TEPSIN: variants seen among roughly 807,000 people sequenced by gnomAD.
TEPSIN encodes TEPSIN adaptor related protein complex 4 accessory protein.
In TEPSIN, 50 loss-of-function variants were observed where a neutral mutation model predicts 48.5. That is an observed-to-expected ratio of 1.03 (90% confidence interval 0.82 to 1.31). TEPSIN has a LOEUF of 1.31. TEPSIN is among the 50% of genes most tolerant of loss of function. The probability of loss-of-function intolerance (pLI) is 0.00; values close to 1 mark genes in which losing one functional copy is unlikely to be tolerated. For missense variants in TEPSIN, 838 were observed against 815.9 expected (o/e 1.03, Z -0.33); for synonymous variants, 392 against 358.8 (o/e 1.09, Z -1.05).
At chr17:81,236,204 G>A (rs962486645) in intron 4 of TEPSIN, among the ~76,000 whole-genome samples, 4 of 152,128 alleles carry the variant, frequency 2.6e-5, no homozygotes, top group Non-Finnish European at 5.9e-5. Flanking sequence ...TGGACAGACC[G>A]ACTGGCCGGG....
Position 81,229,348 on chromosome 17 carries a change from C to T in TEPSIN, c.1362G>A (p.Gly454=). 6.4e-7 allele frequency: 1 copy of T among 1,563,632 alleles called. No individual in the cohort carries two copies. Among genetic ancestry groups the T allele is most frequent in the Non-Finnish European group, 8.7e-7 (1 of 1,154,328 alleles). ...TCAGAGGCTGCAGGAAGACCTGGCT[C>T]CCAGGGAGAGGCACAGCGTCGGTCA... ...DLLTDAVPLP[G]SQVFLQPLSS... is the part of the protein sequence containing the mutation. The change falls in exon 13 of 13, where the codon GGG becomes GGA. Residue 454 remains glycine (G), a synonymous_variant. Coordinates refer to ENST00000637944, the MANE Select transcript of TEPSIN (RefSeq NM_001363764.2).
chr17:81,234,040 C>G lies in TEPSIN; in HGVS notation c.316G>C (p.Gly106Arg). The G allele has an allele frequency of 6.3e-7, 1 of 1,591,704 alleles. No homozygotes were observed. ...AFIQEAAAFA[G>R]PPDPLHGNSL... ...TTCCCGTGCAGAGGATCTGGGGGCC[C>G]TGCAAAAGCTGCAGAACAGAAAAGG... The change falls in exon 5 of 13, where the codon GGG (glycine) becomes CGG (arginine). Residue 106 changes from glycine to arginine, a missense_variant. Physicochemically the swap from Gly to Arg is moderately radical, Grantham distance 125 (BLOSUM62 -2). Transcript: ENST00000637944. The surrounding 1 kb of genome is among the most constrained non-coding windows in gnomAD (Gnocchi z 5.4).
Position 81,231,893 on chromosome 17 carries a change from C to T in TEPSIN, c.859G>A (p.Asp287Asn), listed in dbSNP as rs552888913. The change falls in exon 9 of 13, where the codon GAC becomes AAC. Residue 287 changes from aspartate to asparagine, a missense_variant. By Grantham distance (23) the Asp-to-Asn change is conservative. Transcript: ENST00000637944. ...VSDSGSHSGS[D>N]SHSGASREPG... ...TCCCGGCTGGCCCCTGAATGGCTGT[C>T]GCTGCCGGAATGACTGCCCGAGTCC... The T allele has an allele frequency of 1.8e-5, 29 of 1,613,622 alleles. No homozygotes were observed. The East Asian group carries it at 3.6e-4, about 20-fold the overall frequency.
chr17:81,234,148 C>T lies in TEPSIN; in HGVS notation c.308-100G>A. 2 of 1,097,570 alleles carry T rather than the reference C, an allele frequency of 1.8e-6. No individual in the cohort carries two copies. The highest frequency in any genetic ancestry group is 1.8e-5 in the South Asian group (1 of 56,194). 68.0% of individuals were successfully genotyped at this position (1,097,570 alleles called of 1,614,324 possible). A position where few individuals can be genotyped will look rare whatever the true frequency, so the allele number is the denominator to read the frequency against. On this transcript the variant is annotated intron_variant, in intron 4 of 12. Transcript: ENST00000637944. The surrounding 1 kb of genome is among the most constrained non-coding windows in gnomAD (Gnocchi z 5.4). The stretch of plus-strand genomic sequence containing the variant: ...GGGCCCACTCCAGGGTGGCAAGTTC[C>T]TGCCACCAAGGCCCTTCTGTCACAG...
chr17:81,232,720 G>A, intron 7 of TEPSIN: 1 of 569,668 alleles, frequency 1.8e-6, no homozygotes, highest in Non-Finnish European at 3.1e-6. Context: ...ACTCCCAGTG[G>A]GCCTGGACAC....
chr17:81,231,220 T>C (rs1367614094), intron 11 of TEPSIN, 178 bp downstream of exon 11: 19 of 643,470 alleles, frequency 3.0e-5, no homozygotes, highest in Non-Finnish European at 4.8e-5. Flanking sequence ...CAGGCATACA[T>C]ACACAGGCAT....
At position 81,230,437 on chromosome 17, in the gene TEPSIN, G is replaced by A; in HGVS notation, c.1233+107C>T. 1 of 1,488,904 alleles carries A rather than the reference G, an allele frequency of 6.7e-7. No individual in the cohort carries two copies. Among genetic ancestry groups the A allele is most frequent in the Admixed American group, 1.9e-5 (1 of 53,300 alleles). 92.2% of individuals were successfully genotyped at this position (1,488,904 alleles called of 1,614,324 possible). A position where few individuals can be genotyped will look rare whatever the true frequency, so the allele number is the denominator to read the frequency against. On this transcript the variant is annotated intron_variant, in intron 12 of 12. Transcript: ENST00000637944. The surrounding 1 kb of genome is among the most constrained non-coding windows in gnomAD (Gnocchi z 4.2). ...GACAGGGACTTGAGAGGGGGTCCGGGAAGGGCTGACCAGGCGCCGGGCAGG... is the reference window on the plus strand; with the variant it reads ...GACAGGGACTTGAGAGGGGGTCCGGAAAGGGCTGACCAGGCGCCGGGCAGG...
chr17:81,232,519 C>G lies in TEPSIN; in HGVS notation c.527-1G>C. The G allele has an allele frequency of 6.5e-7, 1 of 1,529,978 alleles. No homozygotes were observed. The allele number at this position is 1,529,978 out of a possible 1,614,324, so 94.8% of individuals were successfully genotyped here. ...GAGAGGAAGGCTTCGCCTGCCGAGC[C>G]TGTACCCGAGGAGAGGGAGATGGGA... On this transcript the variant is annotated splice_acceptor_variant, in intron 7 of 12. Coordinates refer to ENST00000637944, the MANE Select transcript of TEPSIN (RefSeq NM_001363764.2). LOFTEE classifies it high-confidence loss of function.
At position 81,231,254 on chromosome 17, in the gene TEPSIN, G is replaced by T; in HGVS notation, c.1098+144C>A. On this transcript the variant is annotated intron_variant, in intron 11 of 12. Transcript: ENST00000637944. ...ATACACACCCACACGCACACACACAGGCATGTGCGCACGCACAGCCACACA... is the reference window on the plus strand; with the variant it reads ...ATACACACCCACACGCACACACACATGCATGTGCGCACGCACAGCCACACA... 2.5e-6 allele frequency: 2 copies of T among 815,164 alleles called. 1 individual carries two copies. Among genetic ancestry groups the T allele is most frequent in the South Asian group, 3.5e-5 (2 of 56,808 alleles). The allele number at this position is 815,164 out of a possible 1,614,324, so 50.5% of individuals were successfully genotyped here. A position where few individuals can be genotyped will look rare whatever the true frequency, so the allele number is the denominator to read the frequency against.
intron 9 of TEPSIN, 36 bp downstream of exon 9, chr17:81,231,811 G>A (rs371525147): frequency 5.6e-6 from 9 of 1,609,658 alleles, no homozygotes; most frequent in African/African-American, 1.3e-5. Flanking sequence ...TGGTGCCTCC[G>A]AGACCTCTCC....
At position 81,231,310 on chromosome 17, in the gene TEPSIN, G is replaced by C. The variant is rs2062599623; in HGVS notation, c.1098+88C>G. On this transcript the variant is annotated intron_variant, in intron 11 of 12. Coordinates refer to ENST00000637944, the MANE Select transcript of TEPSIN (RefSeq NM_001363764.2). ...ATGTTCACACACAGGTGTGCACACA[G>C]GCACACGTGCACACACACGCACACG... 6.9e-6 allele frequency: 9 copies of C among 1,298,374 alleles called. No individual in the cohort carries two copies. The South Asian group carries it at 8.7e-5, about 13-fold the overall frequency. 80.4% of individuals were successfully genotyped at this position (1,298,374 alleles called of 1,614,324 possible).
chr17:81,230,947 G>A lies in TEPSIN; in HGVS notation c.1099-269C>T. ...CTTACACCCCAGCTCCCGGACACCA[G>A]AGCCATGTCCTCCCCGGCTCCTGGA... On this transcript the variant is annotated intron_variant, in intron 11 of 12. Transcript: ENST00000637944. This position sits in a 1 kb window ranked among gnomAD's most constrained non-coding sequence, Gnocchi z 4.2. 3 of 531,080 alleles carry A rather than the reference G, an allele frequency of 5.6e-6. No individual in the cohort carries two copies. Among genetic ancestry groups the A allele is most frequent in the Non-Finnish European group, 9.9e-6 (3 of 302,642 alleles). 32.9% of individuals were successfully genotyped at this position (531,080 alleles called of 1,614,324 possible).
At position 81,237,442 on chromosome 17, in the gene TEPSIN, C is replaced by G; in HGVS notation, c.66G>C (p.Lys22Asn). The G allele has an allele frequency of 6.2e-7, 1 of 1,610,628 alleles. No homozygotes were observed. The highest frequency in any genetic ancestry group is 1.1e-5 in the South Asian group (1 of 90,440). ...SFLHRLPILL[K>N]GTSDDDVPCP... ...ACGGGACATCATCATCGGACGTCCC[C>G]TTCAGGAGAATCGGGAGCTGAAAGG... Residue 22 changes from lysine (K) to asparagine (N), a missense_variant, in exon 2 of 13, where the codon AAG (lysine) becomes AAC (asparagine). Physicochemically the swap from Lys to Asn is moderately conservative, Grantham distance 94. Coordinates refer to ENST00000637944, the MANE Select transcript of TEPSIN (RefSeq NM_001363764.2).
Position 81,237,450 on chromosome 17 carries a change from G to GA in TEPSIN, c.57dup (p.Leu20SerfsTer8), listed in dbSNP as rs1348415678. On this transcript the variant is annotated frameshift_variant, in exon 2 of 13. Coordinates refer to ENST00000637944, the MANE Select transcript of TEPSIN (RefSeq NM_001363764.2). LOFTEE classifies it high-confidence loss of function. ...TCATCATCGGACGTCCCCTTCAGGA[G>GA]AATCGGGAGCTGAAAGGGAACAAGA... 6.2e-7 allele frequency: 1 copy of GA among 1,609,970 alleles called. No individual in the cohort carries two copies. The highest frequency in any genetic ancestry group is 8.5e-7 in the Non-Finnish European group (1 of 1,178,562).
chr17:81,237,228 A>G (rs1445232626), intron 2 of TEPSIN, 157 bp from the exon 3 acceptor site: 2 of 1,169,776 alleles, frequency 1.7e-6, no homozygotes, highest in Non-Finnish European at 2.5e-6. Flanking sequence ...CCCCTGTGTC[A>G]TCAGTATTGC....
In TEPSIN at chr17:81,229,150, G is replaced by T; in HGVS notation, c.1560C>A (p.Gly520=). Residue 520 remains glycine, a synonymous_variant, in exon 13 of 13, where the codon GGC becomes GGA. Coordinates refer to ENST00000637944, the MANE Select transcript of TEPSIN (RefSeq NM_001363764.2). The part of the protein sequence containing the change: ...RRWRPERIPG[G]TDSPKRGPSS... ...TGGGGCCTCTCTTTGGGCTGTCCGTGCCCCCTGGGATCCGTTCAGGTCTCC... is the reference window on the plus strand; with the variant it reads ...TGGGGCCTCTCTTTGGGCTGTCCGTTCCCCCTGGGATCCGTTCAGGTCTCC... 1.9e-6 allele frequency: 3 copies of T among 1,611,004 alleles called. No individual in the cohort carries two copies. Among genetic ancestry groups the T allele is most frequent in the Non-Finnish European group, 2.5e-6 (3 of 1,179,476 alleles).
In TEPSIN at chr17:81,230,771, C is replaced by T; in HGVS notation, c.1099-93G>A. The T allele has an allele frequency of 1.4e-6, 2 of 1,417,034 alleles. No homozygotes were observed. Among genetic ancestry groups the T allele is most frequent in the South Asian group, 3.0e-5 (2 of 67,216 alleles). The allele number at this position is 1,417,034 out of a possible 1,614,324, so 87.8% of individuals were successfully genotyped here. ...GCCATCTCTCTCCCTCTTCTTCCTC[C>T]TCATCAATGACTGGAGTGCCAGGAG... On this transcript the variant is annotated intron_variant, in intron 11 of 12. Coordinates refer to ENST00000637944, the MANE Select transcript of TEPSIN (RefSeq NM_001363764.2). This position sits in a 1 kb window ranked among gnomAD's most constrained non-coding sequence, Gnocchi z 4.2.
chr17:81,236,597 C>T (rs2062724678), intron 4 of TEPSIN, 111 bp downstream of exon 4: 2 of 1,138,812 alleles, frequency 1.8e-6, no homozygotes, highest in South Asian at 1.4e-5. Context: ...CGGGACCCGG[C>T]CCAGGTGAGG....
Position 81,230,253 on chromosome 17 carries a change from C to T in TEPSIN, c.1233+291G>A. The T allele has an allele frequency of 4.5e-6, 2 of 448,818 alleles. No homozygotes were observed. Among genetic ancestry groups the T allele is most frequent in the Non-Finnish European group, 8.0e-6 (2 of 249,392 alleles). 27.8% of individuals were successfully genotyped at this position (448,818 alleles called of 1,614,324 possible). A position where few individuals can be genotyped will look rare whatever the true frequency, so the allele number is the denominator to read the frequency against. ...CTTCCTGGAAGAGGTAAGTGTGAGG[C>T]CAAGACACAAGGGCAGGAACATTAA... On this transcript the variant is annotated intron_variant, in intron 12 of 12. Coordinates refer to ENST00000637944, the MANE Select transcript of TEPSIN (RefSeq NM_001363764.2). This position sits in a 1 kb window ranked among gnomAD's most constrained non-coding sequence, Gnocchi z 4.2.
Sources: gnomAD v4.1 joint callset for allele counts (sites outside exome capture counted in the v4.1 genomes callset) on GRCh38, gnomAD v4.1.1 for gene constraint, Gnocchi (gnomAD v3.1) non-coding constraint, MANE v1.5 for transcripts, NCBI Gene and HGNC (gene_info 2026-07-23, HGNC 2026-07-21) for gene names.